PCDHGB1: variants seen among roughly 807,000 people sequenced by gnomAD.
PCDHGB1 encodes the protein protocadherin gamma subfamily B, 1, also known as protocadherin gamma-B1.
A neutral mutation model predicts 56.6 loss-of-function variants in PCDHGB1; 34 were observed. The observed-to-expected ratio is 0.60, with a 90% CI of 0.46 to 0.80. The LOEUF (loss-of-function observed/expected upper bound fraction) is 0.80, where lower values mean the gene tolerates loss of function less well. Among genes scored for constraint, PCDHGB1 ranks in the 30% least tolerant of loss-of-function variants. PCDHGB1 has a pLI of 0.00. For missense variants in PCDHGB1, 1,278 were observed against 1,204.6 expected (o/e 1.06, Z -0.90); for synonymous variants, 561 against 505.9 (o/e 1.11, Z -1.46).
Position 141,390,256 on chromosome 5 carries a change from A to G in PCDHGB1, c.2409+37587A>G, listed in dbSNP as rs2150415347. On this transcript the variant is annotated intron_variant, in intron 1 of 3. Coordinates refer to ENST00000523390, the MANE Select transcript of PCDHGB1 (RefSeq NM_018922.3). ...TCTGGGGCCTTATTTCCACTTTGTAATTCCAGTGAATTGACTTCCCATCAG... is the reference window on the plus strand; with the variant it reads ...TCTGGGGCCTTATTTCCACTTTGTAGTTCCAGTGAATTGACTTCCCATCAG... 6 of 1,614,022 alleles carry G rather than the reference A, an allele frequency of 3.7e-6. No homozygotes were observed. The East Asian group carries it at 1.3e-4, about 36-fold the overall frequency.
intron 1 of PCDHGB1, chr5:141,397,964 T>A: frequency 9.4e-7 from 1 of 1,060,074 alleles, no homozygotes; most frequent in Non-Finnish European, 1.3e-6. Context: ...CAGCTCAGAC[T>A]CCCCAGCGCC....
intron 1 of PCDHGB1, among the ~76,000 whole-genome samples, chr5:141,466,121 CA>C (rs908379481): frequency 4.8e-5 from 7 of 146,852 alleles, no homozygotes; most frequent in Non-Finnish European, 6.0e-5. Context: ...GACTCCAGCT[CA>C]AAAAAAAAAT....
intron 1 of PCDHGB1, chr5:141,367,597 T>C (rs561845144): frequency 7.2e-5 from 11 of 152,152 alleles, no homozygotes; most frequent in African/African-American, 2.6e-4. Context: ...ATAAAATTTA[T>C]ATTAATGATA....
chr5:141,439,333 G>A (rs964224344), intron 1 of PCDHGB1, among the ~76,000 whole-genome samples: 1 of 152,154 alleles, frequency 6.6e-6, no homozygotes, highest in Non-Finnish European at 1.5e-5. Flanking sequence ...TGGAAAGAAA[G>A]ATTCTAAGCC....
intron 1 of PCDHGB1, chr5:141,426,420 C>T (rs2096934904): frequency 3.5e-6 from 1 of 287,972 alleles, no homozygotes; most frequent in Non-Finnish European, 6.9e-6. Flanking sequence ...TCCAGGGCTC[C>T]GTGGTGGGGA....
At chr5:141,496,011 T>G (rs1232125559) in intron 2 of PCDHGB1, among the ~76,000 whole-genome samples, 1 of 152,114 alleles carries the variant, frequency 6.6e-6, no homozygotes, top group African/African-American at 2.4e-5. Flanking sequence ...ATCTTGTCTT[T>G]TTTCTCTGAG....
chr5:141,370,033 T>C (rs887540311), intron 1 of PCDHGB1, among the ~76,000 whole-genome samples: 10 of 152,232 alleles, frequency 6.6e-5, no homozygotes, highest in African/African-American at 2.4e-4. Context: ...ATATAGTAAG[T>C]ATATTTAATG....
intron 3 of PCDHGB1, among the ~76,000 whole-genome samples, chr5:141,507,760 T>G (rs2099863136): frequency 6.6e-6 from 1 of 152,202 alleles, no homozygotes; most frequent in Non-Finnish European, 1.5e-5. Context: ...GCCTCCCACC[T>G]TTGGCCCACA....
intron 1 of PCDHGB1, among the ~76,000 whole-genome samples, chr5:141,463,642 G>A (rs573143516): frequency 6.6e-6 from 1 of 151,750 alleles, no homozygotes; most frequent in South Asian, 2.1e-4. Context: ...TAGTAGAGAC[G>A]GGGTTTCACC....
chr5:141,370,738 A>G, intron 1 of PCDHGB1: 2 of 1,613,902 alleles, frequency 1.2e-6, no homozygotes, highest in Non-Finnish European at 1.7e-6. Context: ...AAGCCTTTAA[A>G]CTTTTTTCAT....
chr5:141,386,359 C>T (rs566341507), intron 1 of PCDHGB1, among the ~76,000 whole-genome samples: 1 of 152,132 alleles, frequency 6.6e-6, no homozygotes, highest in Non-Finnish European at 1.5e-5. Flanking sequence ...AATCTTGATT[C>T]CAGAGACCTT....
At chr5:141,400,796 A>G (rs2094076929) in intron 1 of PCDHGB1, 1 of 559,742 alleles carries the variant, frequency 1.8e-6, no homozygotes. Context: ...CCTCTTTCTC[A>G]AAGCTAATGA....
Position 141,432,831 on chromosome 5 carries a change from T to C in PCDHGB1, c.2410-61976T>C. 1 of 1,614,206 alleles carries C rather than the reference T, an allele frequency of 6.2e-7. No individual in the cohort carries two copies. Among genetic ancestry groups the C allele is most frequent in the Non-Finnish European group, 8.5e-7 (1 of 1,180,006 alleles). ...AACTCTGAAACCTCAGACCTCACTC[T>C]GTACCTGGTGGTAGCGGTGGCCGCG... On this transcript the variant is annotated intron_variant, in intron 1 of 3. Coordinates refer to ENST00000523390, the MANE Select transcript of PCDHGB1 (RefSeq NM_018922.3). The surrounding 1 kb of genome is among the most constrained non-coding windows in gnomAD (Gnocchi z 6.0).
In PCDHGB1 at chr5:141,370,651, T is replaced by G. The variant is rs779641933; in HGVS notation, c.2409+17982T>G. On this transcript the variant is annotated intron_variant, in intron 1 of 3. Coordinates refer to ENST00000523390, the MANE Select transcript of PCDHGB1 (RefSeq NM_018922.3). Reference sequence around the variant, plus strand: ...AGCCCCGAAAATGGGAACTTACTTGTGAGCGACCGTATAGACCGAGAGGAG... The same window carrying G: ...AGCCCCGAAAATGGGAACTTACTTGGGAGCGACCGTATAGACCGAGAGGAG... 4.3e-6 allele frequency: 7 copies of G among 1,613,800 alleles called. No homozygotes were observed. In the South Asian group the frequency reaches 7.7e-5, roughly 18 times the overall value.
At chr5:141,497,223 T>G (rs921763195) in intron 2 of PCDHGB1, among the ~76,000 whole-genome samples, 14 of 151,762 alleles carry the variant, frequency 9.2e-5, no homozygotes, top group African/African-American at 3.4e-4. Context: ...GGGGGGAAGA[T>G]CAGAGAAGGC....
intron 1 of PCDHGB1, chr5:141,388,994 T>C: frequency 6.2e-7 from 1 of 1,614,042 alleles, no homozygotes; most frequent in Non-Finnish European, 8.5e-7. Flanking sequence ...TCAAAGTCCG[T>C]GACAAGGATT....
chr5:141,356,405 A>G (rs1760213147), intron 1 of PCDHGB1: 5 of 1,590,826 alleles, frequency 3.1e-6, no homozygotes, highest in South Asian at 1.1e-5. Flanking sequence ...GGAAATTATT[A>G]TCGGTTGTTG....
chr5:141,474,170 T>G (rs535586079), intron 1 of PCDHGB1, among the ~76,000 whole-genome samples: 1 of 152,346 alleles, frequency 6.6e-6, no homozygotes, highest in South Asian at 2.1e-4. Flanking sequence ...GCCTTATTAT[T>G]GAGAAAACTA....
chr5:141,497,540 CTT>C (rs754207034), intron 2 of PCDHGB1, among the ~76,000 whole-genome samples: 114 of 134,852 alleles, frequency 8.5e-4, no homozygotes, highest in Middle Eastern at 3.7e-3. Context: ...TGCAACAAAC[CTT>C]TTTTTTTTTT....
Sources: gnomAD v4.1 joint callset for allele counts (sites outside exome capture counted in the v4.1 genomes callset) on GRCh38, gnomAD v4.1.1 for gene constraint, Gnocchi (gnomAD v3.1) non-coding constraint, MANE v1.5 for transcripts, NCBI Gene and HGNC (gene_info 2026-07-23, HGNC 2026-07-21) for gene names.